Variants in BCAS1 observed in about 807,000 individuals in gnomAD.
BCAS1 encodes brain enriched myelin associated protein 1, also known as breast carcinoma-amplified sequence 1.
In BCAS1, 46 loss-of-function variants were observed where a neutral mutation model predicts 65.4. The ratio of observed to expected loss-of-function variants is 0.70; its 90% CI spans 0.55 to 0.90. BCAS1 has a LOEUF of 0.90. Among genes scored for constraint, BCAS1 ranks in the 40% least tolerant of loss-of-function variants. The pLI is 0.00. For missense variants in BCAS1, 793 were observed against 771.2 expected (o/e 1.03, Z -0.33); for synonymous variants, 298 against 293.5 (o/e 1.02, Z -0.16).
chr20:54,058,531 C>G, intron 2 of BCAS1, 116 bp downstream of exon 2: 1 of 1,496,398 alleles, frequency 6.7e-7, no homozygotes, highest in African/African-American at 1.4e-5. Flanking sequence ...GTCTTGCACA[C>G]ACAGACACAA....
chr20:54,012,189 A>G (rs2091334892), intron 4 of BCAS1, among the ~76,000 whole-genome samples: 1 of 152,222 alleles, frequency 6.6e-6, no homozygotes, highest in Non-Finnish European at 1.5e-5. Flanking sequence ...AGCATTCTTG[A>G]AATAATAAAG....
intron 4 of BCAS1, among the ~76,000 whole-genome samples, chr20:54,012,417 G>T (rs74938971): frequency 6.8e-6 from 1 of 147,588 alleles, no homozygotes; most frequent in Non-Finnish European, 1.5e-5. Flanking sequence ...GATAACTGTT[G>T]TATTTCTTAC....
At chr20:53,965,115 T>C (rs1202082821) in intron 10 of BCAS1, among the ~76,000 whole-genome samples, 1 of 152,226 alleles carries the variant, frequency 6.6e-6, no homozygotes, top group Non-Finnish European at 1.5e-5. Context: ...AAATTGCAGA[T>C]CAAATGGCCA....
chr20:53,979,553 T>C (rs1379790293), intron 8 of BCAS1, among the ~76,000 whole-genome samples: 1 of 152,172 alleles, frequency 6.6e-6, no homozygotes, highest in Non-Finnish European at 1.5e-5. Flanking sequence ...ACAGGTGAAC[T>C]CTCGTGGGCT....
intron 12 of BCAS1, among the ~76,000 whole-genome samples, chr20:53,950,989 T>G (rs2089502627): frequency 6.6e-6 from 1 of 152,218 alleles, no homozygotes; most frequent in Non-Finnish European, 1.5e-5. Context: ...TTCTAAATAT[T>G]CTACAAATAT....
chr20:54,005,302 CA>C (rs112055419), intron 4 of BCAS1, among the ~76,000 whole-genome samples: 1 of 44,290 alleles, frequency 2.3e-5, no homozygotes, highest in Non-Finnish European at 5.2e-5. Context: ...TGAAACAAAG[CA>C]AAAACAAAAC....
At position 54,028,852 on chromosome 20, in the gene BCAS1, G is replaced by A. The variant is rs1233672212; in HGVS notation, c.263C>T (p.Ala88Val). 2 of 1,614,072 alleles carry A rather than the reference G, an allele frequency of 1.2e-6. No homozygotes were observed. Among genetic ancestry groups the A allele is most frequent in the South Asian group, 2.2e-5 (2 of 91,074 alleles). The change falls in exon 4 of 13, where the codon GCA becomes GTA. Residue 88 changes from alanine (A) to valine (V), a missense_variant. Physicochemically the swap from Ala to Val is moderately conservative, Grantham distance 64. Coordinates refer to ENST00000688948, the MANE Select transcript of BCAS1 (RefSeq NM_001366298.2). ...GAAAAAACGAGATTTAGCAGCTGGT[G>A]CCTCGGGTTTGGCCTCTTTCCCAAG... ...KNLGKEAKPE[A>V]PAAKSRFFLM...
intron 4 of BCAS1, among the ~76,000 whole-genome samples, chr20:54,011,053 A>AG (rs1282862627): frequency 6.6e-6 from 1 of 152,194 alleles, no homozygotes; most frequent in East Asian, 1.9e-4. Context: ...CCTCAATTTA[A>AG]GTCTCACATC....
intron 4 of BCAS1, among the ~76,000 whole-genome samples, chr20:54,027,215 TA>T (rs2091691409): frequency 6.6e-6 from 1 of 152,224 alleles, no homozygotes; most frequent in African/African-American, 2.4e-5. Context: ...AGTAAGAGCC[TA>T]AAACACATGA....
At chr20:54,041,113 G>C (rs771773305) in intron 3 of BCAS1, among the ~76,000 whole-genome samples, 1 of 151,362 alleles carries the variant, frequency 6.6e-6, no homozygotes, top group Non-Finnish European at 1.5e-5. Flanking sequence ...TTTATATAAA[G>C]TGTCTAGAAT....
At chr20:54,016,791 G>A (rs2091447569) in intron 4 of BCAS1, among the ~76,000 whole-genome samples, 1 of 152,174 alleles carries the variant, frequency 6.6e-6, no homozygotes, top group Non-Finnish European at 1.5e-5. Context: ...ATATAAAAAT[G>A]TTCCACTTAG....
chr20:54,057,451 T>C (rs1322298594), intron 3 of BCAS1, among the ~76,000 whole-genome samples: 2 of 152,226 alleles, frequency 1.3e-5, no homozygotes, highest in Non-Finnish European at 2.9e-5. Flanking sequence ...ACACAGCCAG[T>C]AATCTGCAGG....
intron 4 of BCAS1, among the ~76,000 whole-genome samples, chr20:54,019,003 TATC>T (rs1050924309): frequency 7.9e-5 from 12 of 152,216 alleles, no homozygotes; most frequent in Admixed American, 4.6e-4. Context: ...TGCTTTAAAA[TATC>T]ATCAACTTTG....
chr20:53,949,781 C>A (rs912629422), intron 12 of BCAS1, among the ~76,000 whole-genome samples: 1 of 152,122 alleles, frequency 6.6e-6, no homozygotes, highest in African/African-American at 2.4e-5. Context: ...GGAGGCCTGG[C>A]TTATGTGTCT....
intron 3 of BCAS1, among the ~76,000 whole-genome samples, chr20:54,036,894 C>T (rs932068002): frequency 6.6e-6 from 1 of 151,214 alleles, no homozygotes; most frequent in South Asian, 2.1e-4. Context: ...ACATAAGTAT[C>T]TGGGCCAGGC....
At chr20:53,997,126 T>G (rs902071248) in intron 4 of BCAS1, among the ~76,000 whole-genome samples, 1 of 152,220 alleles carries the variant, frequency 6.6e-6, no homozygotes, top group African/African-American at 2.4e-5. Context: ...CCTTGCCCTT[T>G]TAAAAATCTT....
At position 53,985,448 on chromosome 20, in the gene BCAS1, T is replaced by C. The variant is rs1488502431; in HGVS notation, c.1114A>G (p.Asn372Asp). The C allele has an allele frequency of 1.2e-6, 2 of 1,614,016 alleles. No individual in the cohort carries two copies. Among genetic ancestry groups the C allele is most frequent in the Non-Finnish European group, 1.7e-6 (2 of 1,179,978 alleles). The part of the protein sequence containing the change: ...TSADLKSDKA[N>D]FTSQETQGAG... ...CCTTGGGTCTCCTGGGATGTAAAGT[T>C]GGCTTTGTCTGACTTAAGGTCAGCT... The change falls in exon 8 of 13, where the codon AAC (asparagine) becomes GAC (aspartate). Residue 372 changes from asparagine to aspartate, a missense_variant. Coordinates refer to ENST00000688948, the MANE Select transcript of BCAS1 (RefSeq NM_001366298.2).
Position 53,952,853 on chromosome 20 carries a change from AC to A in BCAS1, c.1815+578del, listed in dbSNP as rs538788679. On this transcript the variant is annotated intron_variant, in intron 12 of 12. Coordinates refer to ENST00000688948, the MANE Select transcript of BCAS1 (RefSeq NM_001366298.2). ...CATGCCACTGGGCAGTGCTCTCTGA[AC>A]CTCTTTGGGTTTTGAGTGCTGCCCA... Among the ~76,000 whole-genome samples the A allele has an allele frequency of 1.8e-3, 280 of 152,280 alleles. 1 individual carries two copies. The highest frequency in any genetic ancestry group is 0.01 in the Middle Eastern group (3 of 294).
intron 1 of BCAS1, among the ~76,000 whole-genome samples, chr20:54,067,402 T>C (rs2092457833): frequency 6.6e-6 from 1 of 152,078 alleles, no homozygotes; most frequent in Admixed American, 6.6e-5. Context: ...TCAAATAAAG[T>C]GAGGATTGAA....
Sources: allele counts gnomAD v4.1 joint callset (sites outside exome capture counted in the v4.1 genomes callset), GRCh38; gene constraint gnomAD v4.1.1; transcripts MANE v1.5; gene names NCBI Gene and HGNC (gene_info 2026-07-23, HGNC 2026-07-21).